Variants in CSGALNACT1 observed in about 807,000 individuals in gnomAD.
CSGALNACT1 encodes chondroitin sulfate N-acetylgalactosaminyltransferase 1.
Under a neutral mutation model 51.0 loss-of-function variants are expected in CSGALNACT1, and 52 were observed. That is an observed-to-expected ratio of 1.02 (90% confidence interval 0.82 to 1.29). The LOEUF is 1.29. Ranked by LOEUF, CSGALNACT1 falls within the 50% of genes most tolerant of loss-of-function variation. The pLI is 0.00. For missense variants in CSGALNACT1, 935 were observed against 679.2 expected, an observed-to-expected ratio of 1.38 and a Z score of -4.19; for synonymous variants, 341 against 254.4, an observed-to-expected ratio of 1.34 and a Z score of -3.24.
At chr8:19,737,617 AATTCAAAGGAAGGAAAAGAAG>A (rs1454584087) in intron 1 of CSGALNACT1, among the ~76,000 whole-genome samples, 1 of 152,152 alleles carries the variant, frequency 6.6e-6, no homozygotes, top group African/African-American at 2.4e-5. Context: ...AAAAGCACTC[AATTCAAAGGAAGGAAAAGAAG>A]GAGAGAAAAT....
intron 6 of CSGALNACT1, among the ~76,000 whole-genome samples, chr8:19,424,117 C>A (rs753788058): frequency 3.3e-5 from 5 of 152,176 alleles, no homozygotes; most frequent in Non-Finnish European, 7.3e-5. Flanking sequence ...CATGTTAGAG[C>A]TGCTCTGAAG....
intron 3 of CSGALNACT1, among the ~76,000 whole-genome samples, chr8:19,570,473 C>T (rs2042781643): frequency 6.6e-6 from 1 of 152,154 alleles, no homozygotes; most frequent in Non-Finnish European, 1.5e-5. Context: ...GGAGCCATAA[C>T]CTAATCCGGA....
At chr8:19,433,563 T>A (rs1356289725) in intron 6 of CSGALNACT1, among the ~76,000 whole-genome samples, 1 of 152,196 alleles carries the variant, frequency 6.6e-6, no homozygotes, top group East Asian at 1.9e-4. Flanking sequence ...AGACAAATGC[T>A]CTCCCTGAAG....
chr8:19,438,958 A>G (rs931712143), intron 6 of CSGALNACT1, among the ~76,000 whole-genome samples: 2 of 152,230 alleles, frequency 1.3e-5, no homozygotes, highest in African/African-American at 2.4e-5. Context: ...GACACTGTTT[A>G]TATCTAAATG....
intron 1 of CSGALNACT1, among the ~76,000 whole-genome samples, chr8:19,644,920 C>A (rs2057120883): frequency 6.6e-6 from 1 of 152,092 alleles, no homozygotes; most frequent in Admixed American, 6.6e-5. Context: ...AACATGCCAT[C>A]AGCCAGGTAT....
intron 4 of CSGALNACT1, among the ~76,000 whole-genome samples, chr8:19,473,859 A>G (rs1196064371): frequency 6.6e-6 from 1 of 152,236 alleles, no homozygotes; most frequent in Non-Finnish European, 1.5e-5. Flanking sequence ...CTGAAGATCA[A>G]GAAAAGAATT....
At chr8:19,652,567 T>A (rs2057907843) in intron 1 of CSGALNACT1, among the ~76,000 whole-genome samples, 1 of 152,124 alleles carries the variant, frequency 6.6e-6, no homozygotes, top group African/African-American at 2.4e-5. Context: ...TCCTTCTGTC[T>A]ATTGCCTCTT....
chr8:19,687,414 A>G (rs1044807907), upstream of CSGALNACT1, among the ~76,000 whole-genome samples: 2 of 152,202 alleles, frequency 1.3e-5, no homozygotes, highest in Non-Finnish European at 2.9e-5. Flanking sequence ...GCCCCACTAA[A>G]ATATATTATA....
chr8:19,595,861 ATTTTTT>A (rs200011185), intron 2 of CSGALNACT1, among the ~76,000 whole-genome samples: 24 of 112,102 alleles, frequency 2.1e-4, no homozygotes, highest in African/African-American at 7.3e-4. Context: ...CAGTTAATGT[ATTTTTT>A]TTTTTTTTTT....
At chr8:19,505,363 G>C in exon 4 of CSGALNACT1, 1 of 1,614,204 alleles carries the variant, frequency 6.2e-7, no homozygotes, top group African/African-American at 1.3e-5. Context: ...GTCTCCAGCT[G>C]GTACACCTTC....
intron 4 of CSGALNACT1, among the ~76,000 whole-genome samples, chr8:19,485,830 GA>G (rs1212256773): frequency 6.1e-4 from 76 of 124,578 alleles, no homozygotes; most frequent in African/African-American, 2.1e-3. Flanking sequence ...ACAATGGCAT[GA>G]TCTCGGCTCA....
chr8:19,418,585 G>C (rs1413932278), intron 8 of CSGALNACT1, 71 bp downstream of exon 7: 1 of 1,005,094 alleles, frequency 9.9e-7, no homozygotes, highest in Non-Finnish European at 1.6e-6. Context: ...CTTTGCTCAT[G>C]GTCAGGTACC....
intron 1 of CSGALNACT1, among the ~76,000 whole-genome samples, chr8:19,623,083 T>G (rs2054025582): frequency 6.6e-6 from 1 of 152,136 alleles, no homozygotes; most frequent in Admixed American, 6.5e-5. Context: ...GAGGCATACC[T>G]TCAACATAAG....
intron 4 of CSGALNACT1, among the ~76,000 whole-genome samples, chr8:19,467,916 T>C (rs2067094154): frequency 6.6e-6 from 1 of 152,094 alleles, no homozygotes; most frequent in Non-Finnish European, 1.5e-5. Context: ...AACCCAGGAG[T>C]TGGAGGCTGC....
At chr8:19,642,658 C>T (rs149962580) in intron 1 of CSGALNACT1, among the ~76,000 whole-genome samples, 1 of 151,944 alleles carries the variant, frequency 6.6e-6, no homozygotes, top group Non-Finnish European at 1.5e-5. Context: ...GGCACACACA[C>T]ACCTGTAGTC....
At chr8:19,499,024 G>T (rs748632572) in intron 4 of CSGALNACT1, among the ~76,000 whole-genome samples, 1 of 152,168 alleles carries the variant, frequency 6.6e-6, no homozygotes, top group Non-Finnish European at 1.5e-5. Flanking sequence ...CCGAGGTGGA[G>T]GAATCACTTG....
intron 3 of CSGALNACT1, among the ~76,000 whole-genome samples, chr8:19,528,732 T>G (rs1318486502): frequency 6.6e-6 from 1 of 152,212 alleles, no homozygotes; most frequent in Non-Finnish European, 1.5e-5. Context: ...TCCCATGGTA[T>G]GCATTCTCCT....
chr8:19,530,972 C>A (rs141968918), intron 3 of CSGALNACT1, among the ~76,000 whole-genome samples: 95 of 152,324 alleles, frequency 6.2e-4, no homozygotes, highest in African/African-American at 2.0e-3. Flanking sequence ...CAGAAACTGT[C>A]ATCAGTCAAT....
chr8:19,434,967 G>A (rs1036455526), intron 6 of CSGALNACT1, among the ~76,000 whole-genome samples: 1 of 152,102 alleles, frequency 6.6e-6, no homozygotes, highest in Non-Finnish European at 1.5e-5. Context: ...TTTGAAAGAG[G>A]TGTGAAATGC....
Sources: gnomAD v4.1 joint callset for allele counts (sites outside exome capture counted in the v4.1 genomes callset) on GRCh38, gnomAD v4.1.1 for gene constraint, MANE v1.5 for transcripts, NCBI Gene and HGNC (gene_info 2026-07-23, HGNC 2026-07-21) for gene names.